The following RBFOX1 variants were observed in gnomAD, a reference collection of about 807,000 sequenced individuals.
The protein encoded by RBFOX1 is RNA binding fox-1 homolog 1, also known as RNA binding protein fox-1 homolog 1.
RBFOX1 carries 8 observed loss-of-function variants against 57.7 expected under a neutral mutation model. The ratio of observed to expected loss-of-function variants is 0.14; its 90% CI spans 0.08 to 0.25. The LOEUF (loss-of-function observed/expected upper bound fraction) is 0.25. Ranked by LOEUF, RBFOX1 falls within the 10% of genes least tolerant of loss-of-function variation. The pLI is 1.00. For synonymous variants in RBFOX1, 326 were observed against 222.4 expected (o/e 1.47, Z -4.15); for missense variants, 611 against 548.5 (o/e 1.11, Z -1.14).
chr16:6,457,725 G>A (rs1347874055), intron 2 of RBFOX1, among the ~76,000 whole-genome samples: 1 of 152,174 alleles, frequency 6.6e-6, no homozygotes, highest in African/African-American at 2.4e-5. Flanking sequence ...GAATGATAAT[G>A]TGGACCCCGG....
intron 4 of RBFOX1, among the ~76,000 whole-genome samples, chr16:7,362,385 ATG>A (rs578105320): frequency 4.7e-5 from 7 of 147,506 alleles, no homozygotes; most frequent in African/African-American, 7.5e-5. Flanking sequence ...GTATGTGTTA[ATG>A]TGTGTGTGAT....
chr16:6,024,733 C>T (rs7184608), intron 1 of RBFOX1, among the ~76,000 whole-genome samples: 30,086 of 152,192 alleles, frequency 0.2, 3,481 homozygotes, highest in South Asian at 0.28. Context: ...CACCCGCCTC[C>T]TCGGCCTCTC....
At chr16:5,418,875 C>G (rs1407280214) in intron 1 of RBFOX1, among the ~76,000 whole-genome samples, 1 of 152,162 alleles carries the variant, frequency 6.6e-6, no homozygotes, top group Non-Finnish European at 1.5e-5. Flanking sequence ...AAGAGATACC[C>G]AAACTGAGAA....
intron 2 of RBFOX1, among the ~76,000 whole-genome samples, chr16:6,631,209 G>A (rs897320324): frequency 1.3e-5 from 2 of 151,994 alleles, no homozygotes; most frequent in African/African-American, 4.8e-5. Context: ...AGAAAGAACT[G>A]GAGGTTAAGT....
intron 3 of RBFOX1, among the ~76,000 whole-genome samples, chr16:6,963,848 A>G (rs903850490): frequency 1.3e-5 from 2 of 150,736 alleles, no homozygotes; most frequent in Non-Finnish European, 3.0e-5. Flanking sequence ...ACAGGCGCAC[A>G]CCACCACGCC....
chr16:7,440,115 C>T (rs930279154), intron 4 of RBFOX1, among the ~76,000 whole-genome samples: 13 of 151,922 alleles, frequency 8.6e-5, no homozygotes, highest in African/African-American at 2.9e-4. Context: ...AGGCTGGTCT[C>T]GAACTCCTGG....
At chr16:6,225,689 C>G (rs2097411631) in intron 1 of RBFOX1, among the ~76,000 whole-genome samples, 1 of 152,160 alleles carries the variant, frequency 6.6e-6, no homozygotes, top group Admixed American at 6.5e-5. Flanking sequence ...ATGTAATACC[C>G]TGCTCACACT....
intron 1 of RBFOX1, among the ~76,000 whole-genome samples, chr16:5,397,692 C>T (rs2066599605): frequency 6.6e-6 from 1 of 152,216 alleles, no homozygotes; most frequent in African/African-American, 2.4e-5. Context: ...CACCCAAATG[C>T]TACGTGGACC....
intron 1 of RBFOX1, among the ~76,000 whole-genome samples, chr16:6,188,162 C>G (rs530640931): frequency 6.6e-6 from 1 of 152,160 alleles, no homozygotes; most frequent in Non-Finnish European, 1.5e-5. Flanking sequence ...TATGTATGCT[C>G]AGTTGGATAA....
At chr16:7,427,002 A>G (rs879215116) in intron 4 of RBFOX1, among the ~76,000 whole-genome samples, 2 of 152,238 alleles carry the variant, frequency 1.3e-5, no homozygotes, top group African/African-American at 2.4e-5. Flanking sequence ...TTCTCAGCAA[A>G]CTATTGAAAG....
chr16:7,688,262 A>G (rs56381922), intron 14 of RBFOX1, among the ~76,000 whole-genome samples: 1 of 140,680 alleles, frequency 7.1e-6, no homozygotes, highest in African/African-American at 2.8e-5. Flanking sequence ...TGTGTGTGTG[A>G]GAGAGAGAGA....
At chr16:7,160,871 T>C (rs2078189053) in intron 4 of RBFOX1, among the ~76,000 whole-genome samples, 1 of 150,840 alleles carries the variant, frequency 6.6e-6, no homozygotes, top group South Asian at 2.1e-4. Context: ...TTTTTCTTCG[T>C]TCAATCTTGG....
chr16:5,267,228 T>C (rs2062881355), intron 1 of RBFOX1, among the ~76,000 whole-genome samples: 1 of 152,068 alleles, frequency 6.6e-6, no homozygotes, highest in South Asian at 2.1e-4. Flanking sequence ...TGACTCATGC[T>C]CTTAACATAC....
At chr16:7,130,642 T>C (rs904703082) in intron 4 of RBFOX1, among the ~76,000 whole-genome samples, 3 of 152,192 alleles carry the variant, frequency 2.0e-5, no homozygotes, top group Non-Finnish European at 4.4e-5. Context: ...TTATAGCCAA[T>C]GACATCTCCA....
chr16:7,393,445 A>G (rs1487872126), intron 4 of RBFOX1, among the ~76,000 whole-genome samples: 1 of 152,070 alleles, frequency 6.6e-6, no homozygotes. Context: ...ATAGGAGCAC[A>G]CTTTTTATAT....
intron 3 of RBFOX1, among the ~76,000 whole-genome samples, chr16:5,673,734 C>G (rs74962938): frequency 7.9e-5 from 12 of 152,134 alleles, no homozygotes; most frequent in Non-Finnish European, 1.6e-4. Flanking sequence ...GTATCCACAC[C>G]TTTTCTCTTC....
At chr16:6,912,647 A>C (rs1237272948) in intron 3 of RBFOX1, among the ~76,000 whole-genome samples, 2 of 147,232 alleles carry the variant, frequency 1.4e-5, no homozygotes, top group Non-Finnish European at 3.0e-5. Context: ...GCAAGGTCTC[A>C]CTGTGTCATC....
chr16:5,284,999 T>C (rs143383188), intron 1 of RBFOX1, among the ~76,000 whole-genome samples: 1 of 152,180 alleles, frequency 6.6e-6, no homozygotes, highest in Non-Finnish European at 1.5e-5. Context: ...TTTGGATCTA[T>C]ATCATTTGCA....
intron 3 of RBFOX1, among the ~76,000 whole-genome samples, chr16:6,675,543 T>A (rs1050700341): frequency 6.6e-6 from 1 of 152,160 alleles, no homozygotes; most frequent in Non-Finnish European, 1.5e-5. Context: ...ACAGTAGGCA[T>A]GGTGTGTTAG....
Sources: gnomAD v4.1 joint callset for allele counts (sites outside exome capture counted in the v4.1 genomes callset) on GRCh38, gnomAD v4.1.1 for gene constraint, MANE v1.5 for transcripts, NCBI Gene and HGNC (gene_info 2026-07-23, HGNC 2026-07-21) for gene names.